USP29: variants seen among roughly 807,000 people sequenced by gnomAD.
The protein encoded by USP29 is ubiquitin carboxyl-terminal hydrolase 29.
For missense variants in USP29, 1,102 were observed against 1,069.0 expected, an observed-to-expected ratio of 1.03 and a Z score of -0.43; for synonymous variants, 386 against 387.4, an observed-to-expected ratio of 1.00 and a Z score of 0.04.
At chr19:57,119,274 A>C (rs1352024798), upstream of USP29, 1 of 152,142 alleles carries the variant, frequency 6.6e-6, no homozygotes, top group Admixed American at 6.5e-5. Context: ...CGCTTCCCCA[A>C]GACTTGGGGG....
At chr19:57,128,545 C>A in intron 3 of USP29, 115 bp from the exon 4 acceptor site, 1 of 1,105,470 alleles carries the variant, frequency 9.0e-7, no homozygotes, top group Non-Finnish European at 1.2e-6. Flanking sequence ...GAGTATTTTA[C>A]TTAGAGCATA....
At chr19:57,125,436 A>G (rs1599916004) in intron 3 of USP29, among the ~76,000 whole-genome samples, 1 of 152,076 alleles carries the variant, frequency 6.6e-6, no homozygotes, top group South Asian at 2.1e-4. Context: ...TGCTTTATGA[A>G]TCTGGATGCT....
rs1203873872 is a variant in USP29 at position 57,131,539 on chromosome 19, A to C, written c.*95A>C. On this transcript the variant is annotated 3_prime_UTR_variant, in exon 4 of 4. Transcript: ENST00000254181. ...GTACTTCACTCAGAATGAAGGAACA[A>C]GTATCTCAGGATGAAATCTCAATGA... is the stretch of plus-strand genomic sequence containing the variant. The C allele has an allele frequency of 2.7e-6, 4 of 1,486,168 alleles. No homozygotes were observed. In the East Asian group the frequency reaches 9.2e-5, roughly 34 times the overall value. 92.1% of individuals were successfully genotyped at this position (1,486,168 alleles called of 1,614,324 possible). A position where few individuals can be genotyped will look rare whatever the true frequency, so the allele number is the denominator to read the frequency against.
Position 57,131,763 on chromosome 19 carries a change from C to G in USP29, c.*319C>G, listed in dbSNP as rs2086862916. Reference sequence around the variant, plus strand: ...TAGAAATGCAAATTCTTGGGTCACTCTCTAGACCAACTGATGCAGAAACAG... The same window carrying G: ...TAGAAATGCAAATTCTTGGGTCACTGTCTAGACCAACTGATGCAGAAACAG... On this transcript the variant is annotated 3_prime_UTR_variant, in exon 4 of 4. Transcript: ENST00000254181. 7.3e-6 allele frequency: 2 copies of G among 275,072 alleles called. No homozygotes were observed. Among genetic ancestry groups the G allele is most frequent in the Non-Finnish European group, 1.4e-5 (2 of 138,160 alleles). 17.0% of individuals were successfully genotyped at this position (275,072 alleles called of 1,614,324 possible).
chr19:57,128,552 C>T, intron 3 of USP29, 108 bp from the exon 4 acceptor site: 1 of 1,153,752 alleles, frequency 8.7e-7, no homozygotes, highest in East Asian at 2.7e-5. Context: ...TTACTTAGAG[C>T]ATAAGAAGAC....
chr19:57,126,810 G>C (rs1398320401), intron 3 of USP29, among the ~76,000 whole-genome samples: 1 of 152,078 alleles, frequency 6.6e-6, no homozygotes, highest in Non-Finnish European at 1.5e-5. Context: ...TGCTGAACAG[G>C]AGTTGCGATC....
In USP29 at chr19:57,131,184, A is replaced by T. The variant is rs545308499; in HGVS notation, c.2509A>T (p.Asn837Tyr). 6.2e-7 allele frequency: 1 copy of T among 1,614,232 alleles called. No homozygotes were observed. Among genetic ancestry groups the T allele is most frequent in the East Asian group, 2.2e-5 (1 of 44,880 alleles). The change falls in exon 4 of 4, where the codon AAT becomes TAT. Residue 837 changes from asparagine to tyrosine, a missense_variant. Asn to Tyr is a moderately radical substitution (Grantham distance 143). Coordinates refer to ENST00000254181, the MANE Select transcript of USP29 (RefSeq NM_020903.3). Reference protein sequence around the residue: ...SVVSHIGSSPNSGHYISDVYD... With the variant: ...SVVSHIGSSPYSGHYISDVYD... ...TGTCAGCCATATCGGGAGCTCCCCA[A>T]ATTCAGGCCATTACATCAGCGATGT...
chr19:57,119,586 C>G (rs1340721689), upstream of USP29, among the ~76,000 whole-genome samples: 1 of 152,122 alleles, frequency 6.6e-6, no homozygotes, highest in East Asian at 1.9e-4. Context: ...CCATGCCCGG[C>G]TGATTTTTGT....
intron 3 of USP29, among the ~76,000 whole-genome samples, chr19:57,127,361 C>A (rs1454284455): frequency 6.6e-6 from 1 of 152,222 alleles, no homozygotes; most frequent in African/African-American, 2.4e-5. Context: ...AAGATTAAAT[C>A]TGCTGAAGCT....
At position 57,129,879 on chromosome 19, in the gene USP29, G is replaced by A. The variant is rs2086846170; in HGVS notation, c.1204G>A (p.Gly402Arg). 6.2e-7 allele frequency: 1 copy of A among 1,614,114 alleles called. No individual in the cohort carries two copies. ...CACTTTGAATACTGGGAAAGAATGTGGGGATGAAAATTCATCTCCACAAAT... is the reference window on the plus strand; with the variant it reads ...CACTTTGAATACTGGGAAAGAATGTAGGGATGAAAATTCATCTCCACAAAT... ...NATLNTGKECGDENSSPQMHV... is the reference protein window; with the variant it reads ...NATLNTGKECRDENSSPQMHV... The change falls in exon 4 of 4, where the codon GGG (glycine) becomes AGG (arginine). Residue 402 changes from glycine to arginine, a missense_variant. Coordinates refer to ENST00000254181, the MANE Select transcript of USP29 (RefSeq NM_020903.3).
rs766334380 is a variant in USP29, at chr19:57,130,974, A to G, written c.2299A>G (p.Thr767Ala). Residue 767 changes from threonine to alanine, a missense_variant, in exon 4 of 4, where the codon ACC becomes GCC. Physicochemically the swap from Thr to Ala is moderately conservative, Grantham distance 58 (BLOSUM62 0). Coordinates refer to ENST00000254181, the MANE Select transcript of USP29 (RefSeq NM_020903.3). ...GGATGCCCAGGAACATACAGAAGAG[A>G]CCCTCAATCAGTCTACAGAATTAAG... is the stretch of plus-strand genomic sequence containing the variant. ...KLDAQEHTEE[T>A]LNQSTELRLQ... 15 of 1,613,986 alleles carry G rather than the reference A, an allele frequency of 9.3e-6. No homozygotes were observed. The Middle Eastern group carries it at 1.5e-3, about 159-fold the overall frequency.
At position 57,120,955 on chromosome 19, in the gene USP29, C is replaced by T. The variant is rs530817304; in HGVS notation, c.-268+726C>T. 4.7e-4 allele frequency among the ~76,000 whole-genome samples: 71 copies of T among 151,336 alleles called. No individual in the cohort carries two copies. In the East Asian group the frequency reaches 0.013, roughly 28 times the overall value. ...CTAAAAATACAAAAAATTAGCCAGG[C>T]GTGGTGGCGGGCTCCTGTAATCCCA... On this transcript the variant is annotated intron_variant, in intron 1 of 3. Transcript: ENST00000254181.
intron 1 of USP29, among the ~76,000 whole-genome samples, chr19:57,121,579 ATG>A (rs950082714): frequency 1.2e-4 from 18 of 146,312 alleles, no homozygotes; most frequent in Middle Eastern, 3.6e-3. Context: ...ATATACTTAT[ATG>A]TATGTTATAT....
In USP29 at chr19:57,129,877, G is replaced by A. The variant is rs750196339; in HGVS notation, c.1202G>A (p.Cys401Tyr). Residue 401 changes from cysteine (C) to tyrosine (Y), a missense_variant, in exon 4 of 4, where the codon TGT (cysteine) becomes TAT (tyrosine). Cys to Tyr is a radical substitution (Grantham distance 194). Coordinates refer to ENST00000254181, the MANE Select transcript of USP29 (RefSeq NM_020903.3). ...GCCACTTTGAATACTGGGAAAGAAT[G>A]TGGGGATGAAAATTCATCTCCACAA... ...LNATLNTGKE[C>Y]GDENSSPQMH... 2 of 1,614,182 alleles carry A rather than the reference G, an allele frequency of 1.2e-6. No individual in the cohort carries two copies. The highest frequency in any genetic ancestry group is 8.5e-7 in the Non-Finnish European group (1 of 1,180,034).
rs746608210 is a variant in USP29, at chr19:57,130,016, G to A, written c.1341G>A (p.Lys447=). Residue 447 remains lysine (K), a synonymous_variant, in exon 4 of 4, where the codon AAG becomes AAA. Coordinates refer to ENST00000254181, the MANE Select transcript of USP29 (RefSeq NM_020903.3). ...ICKACGHAVL[K]VEPNNYLSIN... ...AAGCTTGTGGTCATGCTGTTCTCAA[G>A]GTAGAACCTAATAATTATCTCTCCA... The A allele has an allele frequency of 1.2e-6, 2 of 1,614,132 alleles. No homozygotes were observed. The highest frequency in any genetic ancestry group is 2.2e-5 in the South Asian group (2 of 91,076).
In USP29 at chr19:57,129,299, G is replaced by T. The variant is rs1226120096; in HGVS notation, c.624G>T (p.Lys208Asn). 3.7e-6 allele frequency: 6 copies of T among 1,614,126 alleles called. No homozygotes were observed. In the African/African-American group the frequency reaches 4.0e-5, roughly 11 times the overall value. ...DSLKYIQSNR[K>N]NPSSLEDLEK... ...TGAAATATATACAAAGCAATAGGAA[G>T]AACCCATCAAGTTTAGAGGATTTAG... Residue 208 changes from lysine (K) to asparagine (N), a missense_variant, in exon 4 of 4, where the codon AAG (lysine) becomes AAT (asparagine). By Grantham distance (94) the Lys-to-Asn change is moderately conservative. Transcript: ENST00000254181.
intron 3 of USP29, among the ~76,000 whole-genome samples, chr19:57,124,820 A>G (rs572806734): frequency 6.6e-6 from 1 of 151,916 alleles, no homozygotes; most frequent in South Asian, 2.1e-4. Flanking sequence ...GAACTTCTTT[A>G]TTTTTGCCTT....
At chr19:57,120,286 T>TCGTGC (rs2086787717) in intron 1 of USP29, 57 bp downstream of exon 1, 2 of 132,230 alleles carry the variant, frequency 1.5e-5, no homozygotes, top group Non-Finnish European at 3.1e-5. Context: ...CTAGCTGAGA[T>TCGTGC]CATGCCACTG....
At chr19:57,123,721 C>T (rs2086809173) in intron 2 of USP29, among the ~76,000 whole-genome samples, 1 of 152,166 alleles carries the variant, frequency 6.6e-6, no homozygotes, top group African/African-American at 2.4e-5. Flanking sequence ...TATAAGGTTT[C>T]TCAAACAACA....
Sources: gnomAD v4.1 joint callset for allele counts (sites outside exome capture counted in the v4.1 genomes callset) on GRCh38, gnomAD v4.1.1 for gene constraint, MANE v1.5 for transcripts, NCBI Gene and HGNC (gene_info 2026-07-23, HGNC 2026-07-21) for gene names.